Variants in NHSL2 observed in about 807,000 individuals in gnomAD.
NHSL2 encodes NHS like 2, also known as NHS-like protein 2.
NHSL2 carries 27 observed loss-of-function variants against 53.4 expected under a neutral mutation model. That is an observed-to-expected ratio of 0.51 (90% CI 0.37 to 0.70). NHSL2 has a LOEUF of 0.70. Ranked by LOEUF, NHSL2 falls within the 30% of genes least tolerant of loss-of-function variation. The pLI, the probability that NHSL2 is intolerant of heterozygous loss-of-function variation, is 0.00. For synonymous variants in NHSL2, 408 were observed against 404.1 expected (o/e 1.01, Z -0.12); for missense variants, 892 against 980.1 (o/e 0.91, Z 1.20).
At chrX:72,076,153 G>A (rs992072163) in intron 1 of NHSL2, among the ~76,000 whole-genome samples, 2 of 110,591 alleles carry the variant, frequency 1.8e-5, no homozygotes, top group African/African-American at 3.3e-5. Flanking sequence ...GGCTGGTCTC[G>A]AACTCCCGAC....
At chrX:72,004,479 G>A (rs749610703) in intron 1 of NHSL2, among the ~76,000 whole-genome samples, 5 of 111,841 alleles carry the variant, frequency 4.5e-5, no homozygotes, top group East Asian at 5.6e-4. Flanking sequence ...TTTCCGGAGC[G>A]GAGAGGGATG....
At chrX:72,112,244 G>T (rs762063036) in intron 1 of NHSL2, among the ~76,000 whole-genome samples, 8 of 110,241 alleles carry the variant, frequency 7.3e-5, no homozygotes, top group African/African-American at 9.9e-5. Context: ...ATCATGGTAA[G>T]GACTTTGCAT....
intron 1 of NHSL2, among the ~76,000 whole-genome samples, chrX:71,988,319 T>C (rs2042011930): frequency 9.0e-6 from 1 of 111,701 alleles, no homozygotes. Context: ...AAGCTCCCCA[T>C]GTCCAATGAT....
chrX:71,994,204 TAAG>T (rs2042039651), intron 1 of NHSL2, among the ~76,000 whole-genome samples: 1 of 109,977 alleles, frequency 9.1e-6, no homozygotes, highest in African/African-American at 3.3e-5. Context: ...GATGAACAAA[TAAG>T]AAATAACCCC....
In NHSL2 at chrX:72,134,116, G is replaced by A. The variant is rs2042333588; in HGVS notation, c.462G>A (p.Glu154=). ...AAGAATATGAGGAACAGTACTCGGAGGCCAGACTTGTGGGGCAGACCTTCC... is the reference window on the plus strand; with the variant it reads ...AAGAATATGAGGAACAGTACTCGGAAGCCAGACTTGTGGGGCAGACCTTCC... ...LQEEYEEQYS[E]ARLVGQTFRS... The change falls in exon 3 of 8, where the codon GAG becomes GAA. Residue 154 remains glutamate, a synonymous_variant. Transcript: ENST00000633930. 1.7e-6 allele frequency: 2 copies of A among 1,165,881 alleles called. No individual in the cohort carries two copies. The highest frequency in any genetic ancestry group is 5.2e-5 in the Admixed American group (2 of 38,670).
At chrX:71,929,986 C>G (rs2041704916) in intron 1 of NHSL2, among the ~76,000 whole-genome samples, 1 of 111,333 alleles carries the variant, frequency 9.0e-6, no homozygotes, top group Admixed American at 9.5e-5. Context: ...AACTCCTGGG[C>G]TCAAACAATC....
At chrX:72,033,272 C>T (rs1463392025) in intron 1 of NHSL2, among the ~76,000 whole-genome samples, 5 of 107,919 alleles carry the variant, frequency 4.6e-5, no homozygotes, top group African/African-American at 1.7e-4. Flanking sequence ...CTGCAACCTC[C>T]GACTCCCGGG....
intron 1 of NHSL2, among the ~76,000 whole-genome samples, chrX:71,928,591 G>A (rs1164524844): frequency 9.0e-6 from 1 of 111,336 alleles, no homozygotes; most frequent in Non-Finnish European, 1.9e-5. Flanking sequence ...TGGCATTTTT[G>A]GAGTTGGGGA....
intron 1 of NHSL2, among the ~76,000 whole-genome samples, chrX:72,076,091 G>A (rs994283862): frequency 1.8e-5 from 2 of 110,550 alleles, no homozygotes; most frequent in Non-Finnish European, 3.8e-5. Context: ...ATGCCACCAC[G>A]CCCAGCTAAT....
intron 1 of NHSL2, among the ~76,000 whole-genome samples, chrX:72,013,068 A>G (rs965084944): frequency 2.7e-5 from 3 of 112,627 alleles, no homozygotes; most frequent in African/African-American, 9.7e-5. Flanking sequence ...GTCTATGTTT[A>G]AAATATCCTC....
intron 1 of NHSL2, among the ~76,000 whole-genome samples, chrX:71,972,435 A>G (rs1435795667): frequency 1.8e-5 from 2 of 112,517 alleles, no homozygotes; most frequent in Admixed American, 9.4e-5. Flanking sequence ...TGTCATCTCA[A>G]TACCTTCTGC....
chrX:72,092,198 G>A (rs2041906025), intron 1 of NHSL2, among the ~76,000 whole-genome samples: 2 of 111,630 alleles, frequency 1.8e-5, no homozygotes, highest in Non-Finnish European at 3.8e-5. Context: ...TAATGCATAA[G>A]TGAACCCCTC....
intron 1 of NHSL2, among the ~76,000 whole-genome samples, chrX:72,004,477 G>A (rs777315765): frequency 8.9e-6 from 1 of 111,860 alleles, no homozygotes; most frequent in African/African-American, 3.3e-5. Context: ...GGTTTCCGGA[G>A]CGGAGAGGGA....
Position 72,048,987 on chromosome X carries a change from G to GAGAAGAAGAAGAAGAAGA in NHSL2, c.281-83082_281-83065dup, listed in dbSNP as rs1297031122. Among the ~76,000 whole-genome samples, 309 of 35,511 alleles carry GAGAAGAAGAAGAAGAAGA rather than the reference G, an allele frequency of 8.7e-3. 5 individuals carry two copies. Among genetic ancestry groups the GAGAAGAAGAAGAAGAAGA allele is most frequent in the African/African-American group, 0.021 (294 of 14,156 alleles). 30.8% of individuals were successfully genotyped at this position (35,511 alleles called of 115,157 possible). ...GAGGAAGAAGGAGGAGAAGAAGGAG[G>GAGAAGAAGAAGAAGAAGA]AGAAGAAGAAGAAGAAGAAGAAGAA... On this transcript the variant is annotated intron_variant, in intron 1 of 7. Transcript: ENST00000633930.
rs867874235 is a variant in NHSL2, at chrX:71,964,007, A to G, written c.280+52640A>G. On this transcript the variant is annotated intron_variant, in intron 1 of 7. Coordinates refer to ENST00000633930, the MANE Select transcript of NHSL2 (RefSeq NM_001013627.3). The stretch of plus-strand genomic sequence containing the variant: ...TATATATATATGTATATACATATAT[A>G]TATGTATATATATATATGTGTATAT... Among the ~76,000 whole-genome samples the G allele has an allele frequency of 7.2e-3, 36 of 5,030 alleles. 1 individual carries two copies. The East Asian group carries it at 0.077, about 11-fold the overall frequency. The allele number at this position is 5,030 out of a possible 115,157, so 4.4% of individuals were successfully genotyped here.
intron 7 of NHSL2, among the ~76,000 whole-genome samples, chrX:72,142,816 A>T: frequency 8.9e-6 from 1 of 112,199 alleles, no homozygotes; most frequent in Non-Finnish European, 1.9e-5. Flanking sequence ...GGAACTTAGG[A>T]AAAGAGGAAC....
intron 1 of NHSL2, among the ~76,000 whole-genome samples, chrX:71,995,690 C>T (rs958977926): frequency 3.6e-5 from 4 of 112,382 alleles, no homozygotes; most frequent in African/African-American, 1.3e-4. Context: ...CACCCCCAGC[C>T]CTGCTGGTCC....
At chrX:72,049,513 T>A (rs1219934706) in intron 1 of NHSL2, among the ~76,000 whole-genome samples, 1 of 109,842 alleles carries the variant, frequency 9.1e-6, no homozygotes, top group African/African-American at 3.3e-5. Flanking sequence ...TCCCCCCAAT[T>A]CCCTTCTTTA....
chrX:72,117,818 T>TTCTATTTA (rs2042151480), intron 1 of NHSL2, among the ~76,000 whole-genome samples: 1 of 95,492 alleles, frequency 1.0e-5, no homozygotes, highest in South Asian at 5.0e-4. Context: ...TAGACCACAT[T>TTCTATTTA]TTTATTTATT....
Sources: gnomAD v4.1 joint callset for allele counts (sites outside exome capture counted in the v4.1 genomes callset) on GRCh38, gnomAD v4.1.1 for gene constraint, MANE v1.5 for transcripts, NCBI Gene and HGNC (gene_info 2026-07-23, HGNC 2026-07-21) for gene names.